PAG1: variants seen among roughly 807,000 people sequenced by gnomAD.
PAG1 encodes the protein phosphoprotein membrane anchor with glycosphingolipid microdomains 1, also known as phosphoprotein associated with glycosphingolipid-enriched microdomains 1.
Under a neutral mutation model 31.7 loss-of-function variants are expected in PAG1, and 23 were observed. That is an observed-to-expected ratio of 0.73 (90% CI 0.52 to 1.03). The LOEUF is 1.03. Ranked by LOEUF, PAG1 falls within the 50% of genes least tolerant of loss-of-function variation. The pLI is 0.00. For synonymous variants in PAG1, 214 were observed against 210.3 expected, an observed-to-expected ratio of 1.02 and a Z score of -0.15; for missense variants, 473 against 540.7, an observed-to-expected ratio of 0.87 and a Z score of 1.24.
Position 80,976,851 on chromosome 8 carries a change from C to T in PAG1, c.992G>A (p.Gly331Glu), listed in dbSNP as rs769772689. 1.9e-6 allele frequency: 3 copies of T among 1,613,492 alleles called. No individual in the cohort carries two copies. The Admixed American group carries it at 5.0e-5, about 27-fold the overall frequency. Reference sequence around the variant, plus strand: ...GGACTCCGGAACTGTAAGCGACTGCCCCGATTTATTCACTAACTGTCCAGG... The same window carrying T: ...GGACTCCGGAACTGTAAGCGACTGCTCCGATTTATTCACTAACTGTCCAGG... The part of the protein sequence containing the change: ...NKPGQLVNKS[G>E]QSLTVPESTY... Residue 331 changes from glycine to glutamate, a missense_variant, in exon 9 of 9, where the codon GGG becomes GAG. Coordinates refer to ENST00000220597, the MANE Select transcript of PAG1 (RefSeq NM_018440.4).
chr8:81,102,303 C>A (rs193103294), intron 1 of PAG1, among the ~76,000 whole-genome samples: 2 of 152,088 alleles, frequency 1.3e-5, no homozygotes, highest in East Asian at 3.9e-4. Context: ...AGCTGCCTAA[C>A]GTTTTTTAAA....
chr8:81,072,246 C>A (rs1431824212), intron 1 of PAG1, among the ~76,000 whole-genome samples: 1 of 152,368 alleles, frequency 6.6e-6, no homozygotes, highest in Middle Eastern at 3.4e-3. Flanking sequence ...CTTGTTCCAA[C>A]CTCCTGTCCC....
intron 1 of PAG1, among the ~76,000 whole-genome samples, chr8:81,096,808 A>C (rs4739784): frequency 0.58 from 87,486 of 152,020 alleles, 25,677 homozygotes; most frequent in East Asian, 0.74. Flanking sequence ...GAGATAAGTA[A>C]AGGCCTTGCC....
At chr8:81,048,360 G>T (rs535911097) in intron 2 of PAG1, among the ~76,000 whole-genome samples, 2 of 152,042 alleles carry the variant, frequency 1.3e-5, no homozygotes, top group Admixed American at 6.6e-5. Context: ...TCTACCCAAG[G>T]GGAGGTTGAG....
rs1471741644 is a variant in PAG1, at chr8:81,037,107, G to A, written c.-174-7018C>T. ...TCAAAAAGATTATAAGTATGACACC[G>A]GAAAAATAGTTCTTTCTGCAAATCC... On this transcript the variant is annotated intron_variant, in intron 2 of 8. Transcript: ENST00000220597. 5 of 152,032 alleles carry A rather than the reference G, an allele frequency of 3.3e-5. No individual in the cohort carries two copies. The East Asian group carries it at 5.8e-4, about 18-fold the overall frequency. 9.4% of individuals were successfully genotyped at this position (152,032 alleles called of 1,614,324 possible). A position where few individuals can be genotyped will look rare whatever the true frequency, so the allele number is the denominator to read the frequency against.
intron 1 of PAG1, among the ~76,000 whole-genome samples, chr8:81,109,894 G>C (rs1188166734): frequency 3.3e-5 from 5 of 152,172 alleles, no homozygotes; most frequent in Admixed American, 3.3e-4. Flanking sequence ...TCCTAACCAG[G>C]CTGCAATAGG....
chr8:81,010,544 G>A (rs1807963655), intron 3 of PAG1, among the ~76,000 whole-genome samples: 1 of 152,188 alleles, frequency 6.6e-6, no homozygotes, highest in Non-Finnish European at 1.5e-5. Flanking sequence ...ACATACCACT[G>A]TTTTTAAGCG....
At chr8:81,093,460 G>C (rs1809479231) in intron 1 of PAG1, among the ~76,000 whole-genome samples, 1 of 151,908 alleles carries the variant, frequency 6.6e-6, no homozygotes, top group Non-Finnish European at 1.5e-5. Flanking sequence ...CAAAGCTAAA[G>C]CCTCTCCCTC....
intron 3 of PAG1, among the ~76,000 whole-genome samples, chr8:81,012,394 A>C (rs1050468223): frequency 6.6e-6 from 1 of 152,226 alleles, no homozygotes; most frequent in Non-Finnish European, 1.5e-5. Context: ...CAGTATCTTC[A>C]GTATTTCAGA....
intron 1 of PAG1, among the ~76,000 whole-genome samples, chr8:81,099,160 A>G (rs1243002728): frequency 6.6e-6 from 1 of 152,228 alleles, no homozygotes; most frequent in East Asian, 1.9e-4. Context: ...ACACTGTATT[A>G]CCTTTCTAAA....
intron 2 of PAG1, among the ~76,000 whole-genome samples, chr8:81,040,055 C>T (rs2130829704): frequency 6.6e-6 from 1 of 152,248 alleles, no homozygotes; most frequent in Non-Finnish European, 1.5e-5. Context: ...TGATATGCTA[C>T]ATCACTTATT....
intron 3 of PAG1, among the ~76,000 whole-genome samples, chr8:81,023,626 A>G (rs1808225821): frequency 6.6e-6 from 1 of 152,120 alleles, no homozygotes; most frequent in African/African-American, 2.4e-5. Flanking sequence ...AGAGAAAAAA[A>G]GGGAGAGAGA....
chr8:81,024,988 G>T (rs1349647496), intron 3 of PAG1, among the ~76,000 whole-genome samples: 2 of 152,112 alleles, frequency 1.3e-5, no homozygotes, highest in African/African-American at 4.8e-5. Flanking sequence ...GATGAAAAAA[G>T]CTTAGGGATA....
intron 1 of PAG1, among the ~76,000 whole-genome samples, chr8:81,109,019 C>T (rs1809735632): frequency 6.6e-6 from 1 of 152,086 alleles, no homozygotes; most frequent in South Asian, 2.1e-4. Flanking sequence ...GCTACACGTG[C>T]AGGCAGGAAA....
chr8:80,974,163 T>G lies in PAG1; in HGVS notation c.*2381A>C, dbSNP rs939757082. 3 of 150,946 alleles carry G rather than the reference T, an allele frequency of 2.0e-5. No homozygotes were observed. The highest frequency in any genetic ancestry group is 2.0e-4 in the Admixed American group (3 of 15,160). The allele number at this position is 150,946 out of a possible 1,614,324, so 9.4% of individuals were successfully genotyped here. A position where few individuals can be genotyped will look rare whatever the true frequency, so the allele number is the denominator to read the frequency against. On this transcript the variant is annotated 3_prime_UTR_variant, in exon 9 of 9. Transcript: ENST00000220597. ...GCTTTCTATAAAAAGTTTTTTTTTT[T>G]TTTTTTTTTTTACTTTAGAGATCAT...
intron 3 of PAG1, among the ~76,000 whole-genome samples, chr8:81,001,913 C>T (rs978693648): frequency 1.3e-5 from 2 of 152,180 alleles, no homozygotes; most frequent in Non-Finnish European, 2.9e-5. Flanking sequence ...GATGTGAGAG[C>T]CACACCCATC....
At chr8:81,028,643 C>T (rs1009039228) in intron 3 of PAG1, among the ~76,000 whole-genome samples, 2 of 152,196 alleles carry the variant, frequency 1.3e-5, no homozygotes, top group Admixed American at 6.5e-5. Flanking sequence ...TTATGACTTA[C>T]GTCTACAGTA....
chr8:81,086,649 C>CA (rs1333096196), intron 1 of PAG1, among the ~76,000 whole-genome samples: 1 of 151,922 alleles, frequency 6.6e-6, no homozygotes. Context: ...ACAGCCCAAA[C>CA]AAAAAACAGG....
chr8:80,987,283 C>T (rs1807444071), intron 6 of PAG1, 87 bp downstream of exon 6: 1 of 843,308 alleles, frequency 1.2e-6, no homozygotes. Flanking sequence ...AACACATTTC[C>T]TACTTTTTGA....
Sources: gnomAD v4.1 joint callset for allele counts (sites outside exome capture counted in the v4.1 genomes callset) on GRCh38, gnomAD v4.1.1 for gene constraint, MANE v1.5 for transcripts, NCBI Gene and HGNC (gene_info 2026-07-23, HGNC 2026-07-21) for gene names.